MCUB: variants seen among roughly 807,000 people sequenced by gnomAD.
MCUB encodes calcium uniporter regulatory subunit MCUb, mitochondrial.
A neutral mutation model predicts 41.4 loss-of-function variants in MCUB; 46 were observed. The ratio of observed to expected loss-of-function variants is 1.11; its 90% CI spans 0.88 to 1.42. The LOEUF is 1.42. Ranked by LOEUF, MCUB falls within the 40% of genes most tolerant of loss-of-function variation. The pLI is 0.00. For synonymous variants in MCUB, 148 were observed against 148.2 expected, an observed-to-expected ratio of 1.00 and a Z score of 0.01; for missense variants, 403 against 404.9, an observed-to-expected ratio of 1.00 and a Z score of 0.04.
intron 4 of MCUB, among the ~76,000 whole-genome samples, chr4:109,670,027 T>A (rs958108846): frequency 3.9e-5 from 6 of 152,258 alleles, no homozygotes; most frequent in Admixed American, 3.9e-4. Flanking sequence ...CTCGTTCTGA[T>A]GCTTATTCTG....
chr4:109,661,732 T>C (rs1245478619), intron 3 of MCUB, among the ~76,000 whole-genome samples: 29 of 152,030 alleles, frequency 1.9e-4, no homozygotes, highest in Admixed American at 1.5e-3. Context: ...GGGAGTCACG[T>C]AGAGGGAAGA....
intron 1 of MCUB, among the ~76,000 whole-genome samples, chr4:109,623,403 G>C (rs1051109998): frequency 2.0e-5 from 3 of 152,200 alleles, no homozygotes; most frequent in Non-Finnish European, 4.4e-5. Flanking sequence ...GCAAGTCATA[G>C]GTGATTCCAG....
Position 109,658,994 on chromosome 4 carries a change from AT to A in MCUB, c.100-12del. On this transcript the variant is annotated splice_polypyrimidine_tract_variant and intron_variant, in intron 1 of 7. Transcript: ENST00000394650. ...ACTCTTTTTTTAAAAAAACAAATTAATTTTTCCTTCTTGTAGGTTTTGCGTG... is the reference window on the plus strand; with the variant it reads ...ACTCTTTTTTTAAAAAAACAAATTAATTTTCCTTCTTGTAGGTTTTGCGTG... 2 of 1,433,008 alleles carry A rather than the reference AT, an allele frequency of 1.4e-6. No individual in the cohort carries two copies. The highest frequency in any genetic ancestry group is 1.4e-5 in the African/African-American group (1 of 70,732). The allele number at this position is 1,433,008 out of a possible 1,614,324, so 88.8% of individuals were successfully genotyped here.
chr4:109,668,654 A>G (rs908435421), intron 4 of MCUB, among the ~76,000 whole-genome samples: 1 of 151,402 alleles, frequency 6.6e-6, no homozygotes, highest in East Asian at 1.9e-4. Context: ...ACTGATATAC[A>G]TAATATCTAC....
At chr4:109,671,751 G>A (rs369031211) in intron 4 of MCUB, among the ~76,000 whole-genome samples, 8 of 152,090 alleles carry the variant, frequency 5.3e-5, no homozygotes, top group African/African-American at 1.9e-4. Flanking sequence ...TCAAACTGTG[G>A]TTGTTGTTGT....
In MCUB at chr4:109,659,015, T is replaced by C; in HGVS notation, c.104T>C (p.Leu35Ser). ...PWPLPPPPQV[L>S]RVKLCGNVKY... ...ATTAATTTTTCCTTCTTGTAGGTTT[T>C]GCGTGTGAAGCTGTGTGGAAATGTG... The change falls in exon 2 of 8, where the codon TTG becomes TCG. Residue 35 changes from leucine (L) to serine (S), a missense_variant. By Grantham distance (145) the Leu-to-Ser change is moderately radical. Transcript: ENST00000394650. 6.5e-7 allele frequency: 1 copy of C among 1,528,858 alleles called. No individual in the cohort carries two copies. The highest frequency in any genetic ancestry group is 8.9e-7 in the Non-Finnish European group (1 of 1,126,278). The allele number at this position is 1,528,858 out of a possible 1,614,324, so 94.7% of individuals were successfully genotyped here. A position where few individuals can be genotyped will look rare whatever the true frequency, so the allele number is the denominator to read the frequency against.
intron 1 of MCUB, among the ~76,000 whole-genome samples, chr4:109,605,413 T>C (rs1001024641): frequency 1.3e-5 from 2 of 152,248 alleles, no homozygotes; most frequent in Non-Finnish European, 2.9e-5. Context: ...TATTTCAGTT[T>C]TCTGAACGTT....
intron 1 of MCUB, chr4:109,648,728 A>C (rs1268874951): frequency 1.8e-5 from 2 of 113,932 alleles, no homozygotes; most frequent in East Asian, 1.7e-4. Context: ...GAGAAGCAAA[A>C]AAAAAAAAAA....
chr4:109,686,761 A>G (rs1266577930), intron 7 of MCUB, among the ~76,000 whole-genome samples: 1 of 152,184 alleles, frequency 6.6e-6, no homozygotes, highest in East Asian at 1.9e-4. Flanking sequence ...TTGTAGCCCT[A>G]GCTACTTGGG....
In MCUB at chr4:109,682,588, C is replaced by T. The variant is rs146979519; in HGVS notation, c.458C>T (p.Pro153Leu). Residue 153 changes from proline (P) to leucine (L), a missense_variant, in exon 5 of 8, where the codon CCA (proline) becomes CTA (leucine). Physicochemically the swap from Pro to Leu is moderately conservative, Grantham distance 98. Coordinates refer to ENST00000394650, the MANE Select transcript of MCUB (RefSeq NM_017918.5). ...YDVQCPKREK[P>L]SNEHTAEMEH... ...CCCTTGTGTCTTTTCTCAGAAAAAC[C>T]AAGTAATGAGCACACTGCTGAGATG... 611 of 1,600,258 alleles carry T rather than the reference C, an allele frequency of 3.8e-4. 1 individual carries two copies. Among genetic ancestry groups the T allele is most frequent in the Non-Finnish European group, 4.8e-4 (562 of 1,174,710 alleles).
intron 1 of MCUB, among the ~76,000 whole-genome samples, chr4:109,619,019 T>C (rs1351346890): frequency 1.2e-4 from 10 of 85,390 alleles, no homozygotes; most frequent in South Asian, 1.0e-3. Context: ...TACCTACCTA[T>C]CTACCTGCCT....
intron 1 of MCUB, among the ~76,000 whole-genome samples, chr4:109,621,052 C>G (rs1195619950): frequency 1.3e-5 from 2 of 152,096 alleles, no homozygotes; most frequent in Non-Finnish European, 2.9e-5. Context: ...GTGCATGCCA[C>G]CACGCCCGGC....
chr4:109,562,534 A>T (rs9985964), intron 1 of MCUB, among the ~76,000 whole-genome samples: 41,065 of 152,136 alleles, frequency 0.27, 8,315 homozygotes, highest in African/African-American at 0.58. Context: ...ATTCTAAGAT[A>T]TCACTCTTTT....
At chr4:109,662,031 G>A (rs908231814) in intron 3 of MCUB, among the ~76,000 whole-genome samples, 1 of 152,132 alleles carries the variant, frequency 6.6e-6, no homozygotes, top group African/African-American at 2.4e-5. Context: ...AGACTGCATT[G>A]AGGTGGGAGC....
intron 4 of MCUB, among the ~76,000 whole-genome samples, chr4:109,678,071 C>T (rs942599652): frequency 6.6e-5 from 10 of 151,782 alleles, no homozygotes; most frequent in African/African-American, 2.2e-4. Context: ...CATCTTGCAC[C>T]GCCCTTAATC....
rs147056044 is a variant in MCUB, at chr4:109,638,396, C to T, written c.100-20615C>T. On this transcript the variant is annotated intron_variant, in intron 1 of 7. Transcript: ENST00000394650. ...ACTGAACTGTAGTCTATTAAGTGTGCAATAGCATTATATCTAAAAAAAAAA... is the reference window on the plus strand; with the variant it reads ...ACTGAACTGTAGTCTATTAAGTGTGTAATAGCATTATATCTAAAAAAAAAA... Among the ~76,000 whole-genome samples the T allele has an allele frequency of 5.0e-3, 669 of 133,882 alleles. 17 individuals carry two copies. In the South Asian group the frequency reaches 0.067, roughly 13 times the overall value. 87.8% of individuals were successfully genotyped at this position (133,882 alleles called of 152,430 possible). A position where few individuals can be genotyped will look rare whatever the true frequency, so the allele number is the denominator to read the frequency against.
chr4:109,617,438 G>C (rs909941315), intron 1 of MCUB, among the ~76,000 whole-genome samples: 4 of 152,178 alleles, frequency 2.6e-5, no homozygotes, highest in Admixed American at 2.6e-4. Flanking sequence ...GGAGGACCAT[G>C]GCTGGGTAAC....
intron 1 of MCUB, among the ~76,000 whole-genome samples, chr4:109,622,710 A>G (rs960688516): frequency 3.3e-5 from 5 of 152,230 alleles, no homozygotes; most frequent in African/African-American, 9.6e-5. Context: ...AACTTAATCC[A>G]TCATACACCT....
chr4:109,628,123 G>A (rs1414786313), intron 1 of MCUB, among the ~76,000 whole-genome samples: 1 of 152,178 alleles, frequency 6.6e-6, no homozygotes, highest in East Asian at 1.9e-4. Flanking sequence ...TCTTGAGGAG[G>A]CAACATTTGA....
Sources: allele counts gnomAD v4.1 joint callset (sites outside exome capture counted in the v4.1 genomes callset), GRCh38; gene constraint gnomAD v4.1.1; transcripts MANE v1.5; gene names NCBI Gene and HGNC (gene_info 2026-07-23, HGNC 2026-07-21).